USP40: variants seen among roughly 807,000 people sequenced by gnomAD.
The protein encoded by USP40 is ubiquitin carboxyl-terminal hydrolase 40.
Under a neutral mutation model 166.2 loss-of-function variants are expected in USP40, and 143 were observed. That is an observed-to-expected ratio of 0.86 (90% CI 0.75 to 0.99). The LOEUF (loss-of-function observed/expected upper bound fraction) is 0.99. Ranked by LOEUF, USP40 falls within the 50% of genes least tolerant of loss-of-function variation. The probability of loss-of-function intolerance (pLI) is 0.00; values close to 1 mark genes in which losing one functional copy is unlikely to be tolerated. For missense variants in USP40, 1,444 were observed against 1,479.7 expected, an observed-to-expected ratio of 0.98 and a Z score of 0.40; for synonymous variants, 498 against 524.0, an observed-to-expected ratio of 0.95 and a Z score of 0.68.
chr2:233,558,447 C>T (rs998441486), intron 4 of USP40, among the ~76,000 whole-genome samples: 2 of 151,352 alleles, frequency 1.3e-5, no homozygotes, highest in African/African-American at 4.9e-5. Flanking sequence ...AATGAAGTAT[C>T]GACACATACT....
intron 16 of USP40, among the ~76,000 whole-genome samples, chr2:233,522,071 GCA>G (rs1230179632): frequency 6.6e-6 from 1 of 152,160 alleles, no homozygotes; most frequent in Admixed American, 6.5e-5. Flanking sequence ...TTGCCTAGGA[GCA>G]CAGTTAGGCA....
chr2:233,548,567 T>C (rs1174580861), intron 8 of USP40, among the ~76,000 whole-genome samples: 1 of 152,136 alleles, frequency 6.6e-6, no homozygotes, highest in East Asian at 1.9e-4. Flanking sequence ...TGCTTGACAC[T>C]GGATTTGACA....
chr2:233,561,246 G>A (rs761105293), intron 3 of USP40: 3 of 1,517,956 alleles, frequency 2.0e-6, no homozygotes, highest in African/African-American at 2.8e-5. Context: ...CCAAAAAAGA[G>A]CCCGCATCGC....
chr2:233,566,550 G>A (rs1211433733), intron 1 of USP40, 134 bp downstream of exon 1: 2 of 418,954 alleles, frequency 4.8e-6, no homozygotes, highest in African/African-American at 2.1e-5. Context: ...CCACTGCCCC[G>A]ACTCCAGGAG....
intron 23 of USP40, among the ~76,000 whole-genome samples, chr2:233,498,186 G>A (rs934915012): frequency 1.3e-5 from 2 of 152,296 alleles, no homozygotes; most frequent in Admixed American, 6.5e-5. Context: ...TTACCTTACA[G>A]AGAAACTCTG....
At chr2:233,525,586 A>T in intron 13 of USP40, 24 bp from the exon 14 acceptor site, 1 of 1,581,216 alleles carries the variant, frequency 6.3e-7, no homozygotes, top group Middle Eastern at 1.7e-4. Flanking sequence ...ATGAAGGAAA[A>T]GAGAATGTTG....
rs2125213801 is a variant in USP40, at chr2:233,521,045, T to C, written c.2271A>G (p.Leu757=). The C allele has an allele frequency of 6.2e-7, 1 of 1,613,598 alleles. No individual in the cohort carries two copies. Among genetic ancestry groups the C allele is most frequent in the East Asian group, 2.2e-5 (1 of 44,850 alleles). ...GCTTCTCTTCAGATTCTAACTGGCATAAATTTTTAACGTGGAGCCAGTCAA... is the reference window on the plus strand; with the variant it reads ...GCTTCTCTTCAGATTCTAACTGGCACAAATTTTTAACGTGGAGCCAGTCAA... The part of the protein sequence containing the change: ...NEIDWLHVKN[L]CQLESEEKQV... The change falls in exon 17 of 32, where the codon TTA becomes TTG. Residue 757 remains leucine, a synonymous_variant. Transcript: ENST00000678225.
intron 7 of USP40, among the ~76,000 whole-genome samples, chr2:233,549,969 C>T (rs183600222): frequency 2.0e-5 from 3 of 152,110 alleles, no homozygotes; most frequent in East Asian, 3.9e-4. Context: ...TTAAGAGATA[C>T]TTTAAAGATG....
In USP40 at chr2:233,510,110, C is replaced by G. The variant is rs2066702863; in HGVS notation, c.2552G>C (p.Ser851Thr). The change falls in exon 21 of 32, where the codon AGT (serine) becomes ACT (threonine). Residue 851 changes from serine (S) to threonine (T), a missense_variant. Ser to Thr is a moderately conservative substitution (Grantham distance 58, BLOSUM62 1). Coordinates refer to ENST00000678225, the MANE Select transcript of USP40 (RefSeq NM_001365479.2). Reference sequence around the variant, plus strand: ...CATTTCTGTCCCAGGTTGAACGTCACTCCCCATTGCAAAAAACAGGAACAA... The same window carrying G: ...CATTTCTGTCCCAGGTTGAACGTCAGTCCCCATTGCAAAAAACAGGAACAA... ...SQLFLFFAMG[S>T]DVQPGTEMEI... 3 of 1,604,050 alleles carry G rather than the reference C, an allele frequency of 1.9e-6. No individual in the cohort carries two copies. The highest frequency in any genetic ancestry group is 2.2e-5 in the East Asian group (1 of 44,716).
chr2:233,485,771 C>T lies in USP40; in HGVS notation c.3404G>A (p.Ser1135Asn), dbSNP rs1186553159. The change falls in exon 29 of 32, where the codon AGC (serine) becomes AAC (asparagine). Residue 1135 changes from serine (S) to asparagine (N), a missense_variant. Transcript: ENST00000678225. ...GAGACAGCCCCACAACTTTACCCAG[C>T]TAGATATCGGAAGCCACTCGAACTT... ...PEKFEWLPIS[S>N]WNQQITKRKK... is the part of the protein sequence containing the mutation. 6.2e-7 allele frequency: 1 copy of T among 1,612,970 alleles called. No individual in the cohort carries two copies. Among genetic ancestry groups the T allele is most frequent in the Non-Finnish European group, 8.5e-7 (1 of 1,179,600 alleles).
intron 26 of USP40, among the ~76,000 whole-genome samples, chr2:233,490,225 G>A (rs1388439531): frequency 7.0e-6 from 1 of 143,150 alleles, no homozygotes; most frequent in East Asian, 2.1e-4. Context: ...GTGCAGTGGC[G>A]CAATCTCAGC....
chr2:233,553,911 T>C (rs1360310024), intron 6 of USP40, among the ~76,000 whole-genome samples: 1 of 152,202 alleles, frequency 6.6e-6, no homozygotes, highest in Non-Finnish European at 1.5e-5. Flanking sequence ...AATTCCTTAA[T>C]TAGCAAGTTA....
intron 21 of USP40, among the ~76,000 whole-genome samples, chr2:233,502,385 T>C (rs1264270586): frequency 6.6e-6 from 1 of 152,150 alleles, no homozygotes; most frequent in Non-Finnish European, 1.5e-5. Flanking sequence ...TAAAAAAAAT[T>C]TTTGGAATAT....
chr2:233,542,491 G>C, intron 8 of USP40, 128 bp from the exon 9 acceptor site: 1 of 575,222 alleles, frequency 1.7e-6, no homozygotes, highest in Non-Finnish European at 3.1e-6. Flanking sequence ...CAGAGGGACT[G>C]CTTGAGCCAG....
intron 28 of USP40, 142 bp downstream of exon 28, chr2:233,488,097 C>T: frequency 1.3e-6 from 1 of 753,918 alleles, no homozygotes; most frequent in Non-Finnish European, 2.4e-6. Context: ...AAACATATTT[C>T]TAGCACACAC....
intron 25 of USP40, chr2:233,492,800 TA>T (rs554642594): frequency 3.8e-4 from 58 of 152,340 alleles, no homozygotes; most frequent in African/African-American, 1.3e-3. Flanking sequence ...TTGGGCCTAT[TA>T]AAAATATACT....
In USP40 at chr2:233,486,765, CAG is replaced by C. The variant is rs1313566107; in HGVS notation, c.3198-790_3198-789del. ...ACGGGAAGATGTGGGCCCATGGAATCAGGGGAGTGCAGAGTGCAAGAGCAGAG... is the reference window on the plus strand; with the variant it reads ...ACGGGAAGATGTGGGCCCATGGAATCGGGAGTGCAGAGTGCAAGAGCAGAG... On this transcript the variant is annotated intron_variant, in intron 28 of 31. Coordinates refer to ENST00000678225, the MANE Select transcript of USP40 (RefSeq NM_001365479.2). This position sits in a 1 kb window ranked among gnomAD's most constrained non-coding sequence, Gnocchi z 4.0. Among the ~76,000 whole-genome samples, 2 of 152,196 alleles carry C rather than the reference CAG, an allele frequency of 1.3e-5. No individual in the cohort carries two copies. Among genetic ancestry groups the C allele is most frequent in the Non-Finnish European group, 2.9e-5 (2 of 68,028 alleles).
At chr2:233,497,840 T>A (rs184684295) in intron 23 of USP40, among the ~76,000 whole-genome samples, 19 of 152,296 alleles carry the variant, frequency 1.2e-4, no homozygotes, top group East Asian at 1.2e-3. Context: ...GCAAAGAGCA[T>A]TCCAGGGCAA....
Position 233,478,007 on chromosome 2 carries a change from G to A in USP40, c.3600-504C>T, listed in dbSNP as rs371587688. Among the ~76,000 whole-genome samples, 99 of 152,336 alleles carry A rather than the reference G, an allele frequency of 6.5e-4. 3 individuals are homozygous for A. In the South Asian group the frequency reaches 0.019, roughly 30 times the overall value. On this transcript the variant is annotated intron_variant, in intron 31 of 31. Transcript: ENST00000678225. ...TGGCACCGTGCGGCAGGTGCTCTGC[G>A]GCCGGGTGCTTTGGCCCAGCCTGAT...
Sources: gnomAD v4.1 joint callset for allele counts (sites outside exome capture counted in the v4.1 genomes callset) on GRCh38, gnomAD v4.1.1 for gene constraint, Gnocchi (gnomAD v3.1) non-coding constraint, MANE v1.5 for transcripts, NCBI Gene and HGNC (gene_info 2026-07-23, HGNC 2026-07-21) for gene names.